The following ITSN2 variants were observed in gnomAD, a reference collection of about 807,000 sequenced individuals.
ITSN2 encodes intersectin 2, also known as intersectin-2.
ITSN2 carries 156 observed loss-of-function variants against 243.7 expected under a neutral mutation model. That is an observed-to-expected ratio of 0.64 (90% confidence interval 0.56 to 0.73). The LOEUF (loss-of-function observed/expected upper bound fraction) is 0.73. ITSN2 is among the 30% of genes least tolerant of loss of function. The probability of loss-of-function intolerance (pLI) is 0.00; values close to 1 mark genes in which losing one functional copy is unlikely to be tolerated. For synonymous variants in ITSN2, 703 were observed against 699.9 expected, an observed-to-expected ratio of 1.00 and a Z score of -0.07; for missense variants, 1,801 against 1,996.1, an observed-to-expected ratio of 0.90 and a Z score of 1.86.
chr2:24,263,285 G>A (rs777221816), intron 20 of ITSN2, among the ~76,000 whole-genome samples: 2 of 152,032 alleles, frequency 1.3e-5, no homozygotes, highest in Non-Finnish European at 2.9e-5. Context: ...TTAACTCACT[G>A]AATAAATGAA....
rs950087385 is a variant in ITSN2, at chr2:24,204,905, G to A, written c.4762+309C>T. ...CAAAGTGCTGTAATCCCAGCACTTT[G>A]GGAGGCCGAGGCGGGCAGATCACTT... On this transcript the variant is annotated intron_variant, in intron 38 of 39. Coordinates refer to ENST00000355123, the MANE Select transcript of ITSN2 (RefSeq NM_006277.3). The surrounding 1 kb of genome is among the most constrained non-coding windows in gnomAD (Gnocchi z 5.1). 1 of 376,440 alleles carries A rather than the reference G, an allele frequency of 2.7e-6. No individual in the cohort carries two copies. The highest frequency in any genetic ancestry group is 2.1e-5 in the African/African-American group (1 of 47,584). The allele number at this position is 376,440 out of a possible 1,614,324, so 23.3% of individuals were successfully genotyped here.
chr2:24,290,930 T>C (rs1680166921), intron 15 of ITSN2, among the ~76,000 whole-genome samples: 1 of 152,232 alleles, frequency 6.6e-6, no homozygotes, highest in Admixed American at 6.5e-5. Context: ...GTTTTTCTTT[T>C]TCAAGTTTTG....
rs188159648 is a variant in ITSN2 at position 24,243,455 on chromosome 2, G to T, written c.3577+2674C>A. ...TTGCGTAGGTCAATAATGACCGAAA[G>T]ACGATTATTCTTTTTCTTCTTATTT... On this transcript the variant is annotated intron_variant, in intron 29 of 39. Transcript: ENST00000355123. Among the ~76,000 whole-genome samples the T allele has an allele frequency of 2.5e-4, 30 of 121,932 alleles. No individual in the cohort carries two copies. The East Asian group carries it at 8.0e-3, about 32-fold the overall frequency. 80.0% of individuals were successfully genotyped at this position (121,932 alleles called of 152,430 possible).
chr2:24,215,970 G>A (rs1302620723), intron 32 of ITSN2, 79 bp downstream of exon 32: 1 of 1,058,080 alleles, frequency 9.5e-7, no homozygotes, highest in South Asian at 2.1e-5. Flanking sequence ...CCATTGCTGG[G>A]ATTCCCTGTT....
intron 1 of ITSN2, among the ~76,000 whole-genome samples, chr2:24,352,231 A>AT (rs551668718): frequency 1.2e-3 from 178 of 152,320 alleles, no homozygotes; most frequent in African/African-American, 4.1e-3. Flanking sequence ...ATGCCAGGTT[A>AT]TTTTAAGGCT....
chr2:24,279,416 C>T (rs1255588578), intron 17 of ITSN2, among the ~76,000 whole-genome samples: 1 of 152,200 alleles, frequency 6.6e-6, no homozygotes, highest in African/African-American at 2.4e-5. Flanking sequence ...ATTCTGACAA[C>T]CCCTTTCTTA....
intron 1 of ITSN2, among the ~76,000 whole-genome samples, chr2:24,335,763 C>T (rs886276065): frequency 2.6e-5 from 4 of 151,856 alleles, no homozygotes; most frequent in Non-Finnish European, 4.4e-5. Context: ...CTCAGCCTCC[C>T]GAGTAGCTGG....
intron 13 of ITSN2, among the ~76,000 whole-genome samples, chr2:24,297,846 G>A (rs1314811795): frequency 6.6e-6 from 1 of 152,194 alleles, no homozygotes; most frequent in Non-Finnish European, 1.5e-5. Flanking sequence ...CTGAACTGAT[G>A]CTACAACATA....
At chr2:24,330,188 C>G (rs142996078) in intron 1 of ITSN2, among the ~76,000 whole-genome samples, 175 of 152,338 alleles carry the variant, frequency 1.1e-3, no homozygotes, top group Admixed American at 3.6e-3. Flanking sequence ...CCCATGGACA[C>G]AAGGCCTTAA....
intron 2 of ITSN2, among the ~76,000 whole-genome samples, chr2:24,319,967 G>T (rs990271230): frequency 1.3e-5 from 2 of 152,236 alleles, no homozygotes; most frequent in African/African-American, 4.8e-5. Flanking sequence ...GGCTAGGGTT[G>T]TCAGAGATTT....
intron 17 of ITSN2, among the ~76,000 whole-genome samples, chr2:24,278,354 A>G (rs1313168647): frequency 6.6e-6 from 1 of 152,218 alleles, no homozygotes; most frequent in East Asian, 1.9e-4. Flanking sequence ...ACTGTCTTTC[A>G]TCAAGGTGTC....
intron 15 of ITSN2, among the ~76,000 whole-genome samples, chr2:24,292,815 T>C (rs1680433595): frequency 6.6e-6 from 1 of 152,212 alleles, no homozygotes; most frequent in Non-Finnish European, 1.5e-5. Context: ...AATGAGGCAG[T>C]GATTTGGTTT....
chr2:24,327,499 A>T (rs529597753), intron 2 of ITSN2, among the ~76,000 whole-genome samples: 4 of 152,066 alleles, frequency 2.6e-5, no homozygotes, highest in Admixed American at 6.5e-5. Flanking sequence ...GGGTTTCACC[A>T]TGTTGACCAG....
chr2:24,220,913 C>T, intron 30 of ITSN2, 32 bp downstream of exon 30: 1 of 1,575,516 alleles, frequency 6.3e-7, no homozygotes, highest in Middle Eastern at 1.7e-4. Flanking sequence ...ACAGCAGATA[C>T]CCCGAGAGCT....
chr2:24,329,608 G>A (rs1462419608), intron 1 of ITSN2, among the ~76,000 whole-genome samples: 1 of 152,124 alleles, frequency 6.6e-6, no homozygotes, highest in Non-Finnish European at 1.5e-5. Context: ...AGGAAGTGAA[G>A]GCCTAGCAAA....
chr2:24,204,258 C>G lies in ITSN2; in HGVS notation c.4923G>C (p.Gln1641His), dbSNP rs1437914061. 6.2e-7 allele frequency: 1 copy of G among 1,614,082 alleles called. No homozygotes were observed. Among genetic ancestry groups the G allele is most frequent in the East Asian group, 2.2e-5 (1 of 44,878 alleles). The change falls in exon 39 of 40, where the codon CAG becomes CAC. Residue 1641 changes from glutamine (Q) to histidine (H), a missense_variant. Physicochemically the swap from Gln to His is conservative, Grantham distance 24 (BLOSUM62 0). Around this residue, in one of 5 missense-constraint regions of ITSN2, gnomAD observed 928 missense variants for 1,065.4 expected, o/e 0.87. Transcript: ENST00000355123. The surrounding 1 kb of genome is among the most constrained non-coding windows in gnomAD (Gnocchi z 5.1). Reference sequence around the variant, plus strand: ...AGCGACACTTACCATCTGGTGAAAACTGGTCTCTGTCAAACAGGGTGAGAC... The same window carrying G: ...AGCGACACTTACCATCTGGTGAAAAGTGGTCTCTGTCAAACAGGGTGAGAC... ...VLCLTLFDRD[Q>H]FSPDDFLGRT...
chr2:24,270,209 A>G (rs760266615), intron 20 of ITSN2, among the ~76,000 whole-genome samples: 1 of 152,170 alleles, frequency 6.6e-6, no homozygotes, highest in Non-Finnish European at 1.5e-5. Context: ...ATTATGTCCT[A>G]CTGGCTCTAT....
chr2:24,216,572 A>G (rs1280630061), intron 31 of ITSN2, among the ~76,000 whole-genome samples: 1 of 152,200 alleles, frequency 6.6e-6, no homozygotes, highest in African/African-American at 2.4e-5. Context: ...CTTGGGCAAC[A>G]TAGTGAGACC....
intron 32 of ITSN2, chr2:24,214,498 AT>A (rs1234247557): frequency 1.3e-5 from 2 of 152,108 alleles, no homozygotes; most frequent in African/African-American, 2.4e-5. Context: ...AAGATTTTCT[AT>A]TCTTATTGAG....
Sources: gnomAD v4.1 joint callset for allele counts (sites outside exome capture counted in the v4.1 genomes callset) on GRCh38, gnomAD v4.1.1 for gene constraint, gnomAD v4.1.1 regional missense constraint, Gnocchi (gnomAD v3.1) non-coding constraint, MANE v1.5 for transcripts, NCBI Gene and HGNC (gene_info 2026-07-23, HGNC 2026-07-21) for gene names.